Variants in MARCHF1 observed in about 807,000 individuals in gnomAD.
The protein encoded by MARCHF1 is E3 ubiquitin-protein ligase MARCHF1.
A neutral mutation model predicts 54.2 loss-of-function variants in MARCHF1; 40 were observed. The observed-to-expected ratio is 0.74, with a 90% CI of 0.57 to 0.96. The LOEUF (loss-of-function observed/expected upper bound fraction) is 0.96. Among genes scored for constraint, MARCHF1 ranks in the 40% least tolerant of loss-of-function variants. The pLI, the probability that MARCHF1 is intolerant of heterozygous loss-of-function variation, is 0.00. For missense variants in MARCHF1, 586 were observed against 656.5 expected, an observed-to-expected ratio of 0.89 and a Z score of 1.17; for synonymous variants, 236 against 236.3, an observed-to-expected ratio of 1.00 and a Z score of 0.01.
chr4:163,999,220 G>C (rs1260818835), intron 2 of MARCHF1, among the ~76,000 whole-genome samples: 1 of 151,204 alleles, frequency 6.6e-6, no homozygotes, highest in Non-Finnish European at 1.5e-5. Context: ...TTTATAAATA[G>C]ATATTATTTT....
At chr4:163,927,825 G>C (rs1394548079) in intron 3 of MARCHF1, among the ~76,000 whole-genome samples, 2 of 151,760 alleles carry the variant, frequency 1.3e-5, no homozygotes, top group African/African-American at 4.8e-5. Flanking sequence ...TTTAAAATTA[G>C]CATACCGTTT....
At chr4:163,726,985 T>C (rs1430316177) in intron 4 of MARCHF1, among the ~76,000 whole-genome samples, 1 of 152,220 alleles carries the variant, frequency 6.6e-6, no homozygotes, top group Non-Finnish European at 1.5e-5. Flanking sequence ...CTACTAGTTA[T>C]TTATCTTGCA....
intron 4 of MARCHF1, among the ~76,000 whole-genome samples, chr4:163,805,346 A>G (rs948313876): frequency 6.7e-6 from 1 of 149,562 alleles, no homozygotes; most frequent in African/African-American, 2.4e-5. Context: ...TGAAAGTAAA[A>G]GAAATAAAAT....
chr4:163,901,042 T>A (rs183615679), intron 3 of MARCHF1, among the ~76,000 whole-genome samples: 3 of 152,308 alleles, frequency 2.0e-5, no homozygotes, highest in Admixed American at 2.0e-4. Flanking sequence ...CATAACTTTA[T>A]GCACATTGGT....
At chr4:164,267,074 T>C (rs367608012) in intron 1 of MARCHF1, among the ~76,000 whole-genome samples, 27 of 152,170 alleles carry the variant, frequency 1.8e-4, no homozygotes, top group Admixed American at 9.8e-4. Context: ...ATACCTAACA[T>C]AGACATTTGT....
At chr4:164,212,185 A>G (rs1731796262) in intron 1 of MARCHF1, among the ~76,000 whole-genome samples, 1 of 152,200 alleles carries the variant, frequency 6.6e-6, no homozygotes, top group African/African-American at 2.4e-5. Context: ...TATTTAATAC[A>G]ACCATCAACA....
chr4:163,559,672 T>C (rs1223049357), intron 8 of MARCHF1, among the ~76,000 whole-genome samples: 1 of 152,256 alleles, frequency 6.6e-6, no homozygotes, highest in African/African-American at 2.4e-5. Context: ...TTGTGTCCTA[T>C]GTCTATTATT....
intron 7 of MARCHF1, among the ~76,000 whole-genome samples, chr4:163,601,915 A>G (rs562890080): frequency 6.6e-6 from 1 of 152,170 alleles, no homozygotes; most frequent in East Asian, 1.9e-4. Flanking sequence ...TCAGTCATGT[A>G]AGATAATTTG....
intron 8 of MARCHF1, among the ~76,000 whole-genome samples, chr4:163,552,782 C>T (rs1431114046): frequency 1.3e-5 from 2 of 151,860 alleles, no homozygotes; most frequent in African/African-American, 2.4e-5. Flanking sequence ...GCCTGTAATC[C>T]CAGCACTTTG....
intron 4 of MARCHF1, among the ~76,000 whole-genome samples, chr4:163,707,978 AG>A (rs1338427042): frequency 6.6e-6 from 1 of 151,854 alleles, no homozygotes; most frequent in East Asian, 1.9e-4. Flanking sequence ...GGGGGGCCAC[AG>A]GGAAACTAGA....
intron 8 of MARCHF1, among the ~76,000 whole-genome samples, chr4:163,564,337 A>G (rs1343608303): frequency 6.6e-6 from 1 of 152,216 alleles, no homozygotes; most frequent in African/African-American, 2.4e-5. Context: ...AATAATGGAT[A>G]TGATAATTTG....
chr4:163,575,074 G>A (rs78604861), intron 8 of MARCHF1, among the ~76,000 whole-genome samples: 7,248 of 151,916 alleles, frequency 0.048, 272 homozygotes, highest in South Asian at 0.1. Context: ...GAATAGGAGC[G>A]GTGAGAGTAA....
intron 8 of MARCHF1, among the ~76,000 whole-genome samples, chr4:163,550,643 T>C (rs1444673245): frequency 6.6e-6 from 1 of 152,224 alleles, no homozygotes; most frequent in East Asian, 1.9e-4. Flanking sequence ...TATTGGATTT[T>C]GCTGCAGACG....
At chr4:164,284,177 T>G (rs1268124535) in intron 1 of MARCHF1, among the ~76,000 whole-genome samples, 2 of 151,048 alleles carry the variant, frequency 1.3e-5, no homozygotes, top group African/African-American at 4.9e-5. Flanking sequence ...AAATACATAT[T>G]TTTAGTTTGA....
chr4:163,609,473 C>G (rs1351205522), intron 7 of MARCHF1, among the ~76,000 whole-genome samples: 2 of 151,890 alleles, frequency 1.3e-5, no homozygotes, highest in Non-Finnish European at 2.9e-5. Flanking sequence ...TTTCCTTATC[C>G]ATTATTGTCC....
chr4:163,690,257 CCTTGGACTTCCCTCAAAAAAGAGTCTT>C, intron 5 of MARCHF1, among the ~76,000 whole-genome samples: 1 of 152,182 alleles, frequency 6.6e-6, no homozygotes, highest in Non-Finnish European at 1.5e-5. Flanking sequence ...ATTGCTTTGA[CCTTGGACTTCCCTCAAAAAAGAGTCTT>C]CTTGTTAAGA....
At chr4:163,568,678 C>CA (rs1272222691) in intron 8 of MARCHF1, among the ~76,000 whole-genome samples, 1 of 152,076 alleles carries the variant, frequency 6.6e-6, no homozygotes, top group Non-Finnish European at 1.5e-5. Flanking sequence ...CAGTGCCAGC[C>CA]AGCCCTTTTT....
chr4:164,027,052 A>T (rs1211157993), intron 2 of MARCHF1, among the ~76,000 whole-genome samples: 3 of 152,104 alleles, frequency 2.0e-5, no homozygotes, highest in Admixed American at 2.0e-4. Flanking sequence ...TATAAGGAGA[A>T]CTAAAAAACA....
rs761659279 is a variant in MARCHF1, at chr4:163,545,692, CAG to C, written c.1241_1242del (p.Ser414CysfsTer31). On this transcript the variant is annotated frameshift_variant, in exon 9 of 10. Coordinates refer to ENST00000514618, the MANE Select transcript of MARCHF1 (RefSeq NM_001394959.1). LOFTEE classifies it high-confidence loss of function. The part of the protein sequence containing the change: ...TTSERRKIFC[S>X]VTFHVIAITC... ...GTGATCGCGATTACGTGGAATGTGA[CAG>C]AGCAGAATATTTTCCTCCTTTCACT... The C allele has an allele frequency of 1.9e-6, 3 of 1,614,060 alleles. No homozygotes were observed. The highest frequency in any genetic ancestry group is 1.3e-5 in the African/African-American group (1 of 75,032).
Sources: allele counts gnomAD v4.1 joint callset (sites outside exome capture counted in the v4.1 genomes callset), GRCh38; gene constraint gnomAD v4.1.1; transcripts MANE v1.5; gene names NCBI Gene and HGNC (gene_info 2026-07-23, HGNC 2026-07-21).